Variants in ATP10B observed in about 807,000 individuals in gnomAD.
The protein encoded by ATP10B is ATPase phospholipid transporting 10B (putative), also known as phospholipid-transporting ATPase VB.
Under a neutral mutation model 141.2 loss-of-function variants are expected in ATP10B, and 122 were observed. That is an observed-to-expected ratio of 0.86 (90% CI 0.75 to 1.00). The LOEUF is 1.00. Ranked by LOEUF, ATP10B falls within the 50% of genes least tolerant of loss-of-function variation. The probability of loss-of-function intolerance (pLI) is 0.00; values close to 1 mark genes in which losing one functional copy is unlikely to be tolerated. For missense variants in ATP10B, 1,876 were observed against 1,825.3 expected (o/e 1.03, Z -0.51); for synonymous variants, 685 against 692.0 (o/e 0.99, Z 0.16).
chr5:160,873,891 C>A, the ATP10B span, among the ~76,000 whole-genome samples: 4 of 152,224 alleles, frequency 2.6e-5, no homozygotes, highest in Admixed American at 1.3e-4. Flanking sequence ...CCTACACCCA[C>A]GGAGTCTCGC....
intron 3 of ATP10B, among the ~76,000 whole-genome samples, chr5:160,701,876 G>A (rs1414474613): frequency 6.7e-6 from 1 of 148,522 alleles, no homozygotes; most frequent in Non-Finnish European, 1.5e-5. Flanking sequence ...CTCTGCCCCA[G>A]TGCCTCCTGG....
At chr5:160,589,925 C>A (rs1756171624) in intron 23 of ATP10B, among the ~76,000 whole-genome samples, 1 of 152,126 alleles carries the variant, frequency 6.6e-6, no homozygotes, top group Non-Finnish European at 1.5e-5. Context: ...GATTGTGAAA[C>A]CATTGTGGAA....
chr5:160,715,196 G>A (rs1012805846), intron 3 of ATP10B, among the ~76,000 whole-genome samples: 3 of 143,716 alleles, frequency 2.1e-5, no homozygotes, highest in Non-Finnish European at 4.6e-5. Context: ...GGGCAATGGC[G>A]GGCGCCCCTC....
At chr5:160,797,987 T>G (rs377697354) in intron 1 of ATP10B, among the ~76,000 whole-genome samples, 2 of 141,022 alleles carry the variant, frequency 1.4e-5, no homozygotes, top group African/African-American at 5.2e-5. Context: ...AGTGTGGAAA[T>G]GGAGAAGAGA....
the ATP10B span, among the ~76,000 whole-genome samples, chr5:160,919,565 T>G: frequency 6.6e-6 from 1 of 152,192 alleles, no homozygotes; most frequent in Admixed American, 6.5e-5. Flanking sequence ...CTTAGAGGAT[T>G]TTAAGCAGAG....
chr5:160,700,728 G>T (rs1270153680), intron 3 of ATP10B, among the ~76,000 whole-genome samples: 4 of 151,986 alleles, frequency 2.6e-5, no homozygotes, highest in African/African-American at 9.7e-5. Flanking sequence ...GTTCTCAAAA[G>T]GTCTCCGTGT....
chr5:160,824,626 G>A lies in ATP10B; in HGVS notation c.-576+27315C>T, dbSNP rs183649302. 2.0e-5 allele frequency among the ~76,000 whole-genome samples: 3 copies of A among 152,208 alleles called. No individual in the cohort carries two copies. In the East Asian group the frequency reaches 5.8e-4, roughly 29 times the overall value. On this transcript the variant is annotated intron_variant, in intron 1 of 25. Transcript: ENST00000327245. ...ATATGATATAGCCTATTGCTCCTAG[G>A]CTACAAACAAATACAGCATGTTTCT...
At chr5:160,784,219 T>C (rs1371097502) in intron 2 of ATP10B, among the ~76,000 whole-genome samples, 1 of 152,128 alleles carries the variant, frequency 6.6e-6, no homozygotes, top group Non-Finnish European at 1.5e-5. Context: ...TAAAACTGAA[T>C]GGTGAGATCT....
chr5:160,820,033 G>T (rs34952125), intron 1 of ATP10B, among the ~76,000 whole-genome samples: 50,550 of 151,530 alleles, frequency 0.33, 9,612 homozygotes, highest in East Asian at 0.45. Flanking sequence ...AAGGATCAGA[G>T]CAGAAATAAA....
At chr5:160,871,310 A>G in the ATP10B span, among the ~76,000 whole-genome samples, 16 of 152,126 alleles carry the variant, frequency 1.1e-4, no homozygotes, top group African/African-American at 3.9e-4. Context: ...GGGAATTAGA[A>G]TAATTTTTAC....
intron 24 of ATP10B, among the ~76,000 whole-genome samples, chr5:160,577,552 C>T (rs1023571400): frequency 8.5e-5 from 13 of 152,092 alleles, no homozygotes; most frequent in African/African-American, 1.2e-4. Flanking sequence ...TGGAGAGCAC[C>T]GCGTCCTAGG....
At chr5:160,852,295 T>C (rs901932912), upstream of ATP10B, 49 of 152,196 alleles carry the variant, frequency 3.2e-4, 1 homozygote, top group Admixed American at 3.2e-3. Flanking sequence ...ACATTTACAT[T>C]GTTAGACATG....
At chr5:160,900,139 A>T in the ATP10B span, among the ~76,000 whole-genome samples, 1 of 152,034 alleles carries the variant, frequency 6.6e-6, no homozygotes, top group African/African-American at 2.4e-5. Context: ...ACCTCTCCTG[A>T]TCCTGCGCCT....
intron 1 of ATP10B, among the ~76,000 whole-genome samples, chr5:160,807,991 A>G (rs986019213): frequency 6.6e-6 from 1 of 152,196 alleles, no homozygotes; most frequent in African/African-American, 2.4e-5. Context: ...CTTCTCATTA[A>G]TGAATGCTAT....
chr5:160,685,166 C>CT (rs1315531523), intron 6 of ATP10B: 1 of 661,968 alleles, frequency 1.5e-6, no homozygotes, highest in African/African-American at 1.8e-5. Flanking sequence ...TTAGAGACCA[C>CT]TACTCGCTTC....
At chr5:160,912,620 A>G in the ATP10B span, among the ~76,000 whole-genome samples, 2 of 151,650 alleles carry the variant, frequency 1.3e-5, no homozygotes, top group East Asian at 3.9e-4. Context: ...GAGAAAAGAA[A>G]AGAAGAGAAA....
intron 15 of ATP10B, among the ~76,000 whole-genome samples, chr5:160,618,403 T>G (rs1383491097): frequency 2.0e-5 from 3 of 152,212 alleles, no homozygotes; most frequent in East Asian, 3.9e-4. Flanking sequence ...CAACTGACTT[T>G]GGAAACTGTT....
At chr5:160,872,923 T>C in the ATP10B span, among the ~76,000 whole-genome samples, 1 of 152,050 alleles carries the variant, frequency 6.6e-6, no homozygotes, top group Non-Finnish European at 1.5e-5. Flanking sequence ...GACGGTGGTA[T>C]TTTGATGGGG....
At chr5:160,909,017 G>A in the ATP10B span, among the ~76,000 whole-genome samples, 1 of 152,084 alleles carries the variant, frequency 6.6e-6, no homozygotes, top group Non-Finnish European at 1.5e-5. Flanking sequence ...TGCCAGGTAC[G>A]GTGCGAGGCT....
Sources: allele counts gnomAD v4.1 joint callset (sites outside exome capture counted in the v4.1 genomes callset), GRCh38; gene constraint gnomAD v4.1.1; transcripts MANE v1.5; gene names NCBI Gene and HGNC (gene_info 2026-07-23, HGNC 2026-07-21).